BDH1: variants seen among roughly 807,000 people sequenced by gnomAD.
BDH1 encodes D-beta-hydroxybutyrate dehydrogenase, mitochondrial.
BDH1 carries 30 observed loss-of-function variants against 33.1 expected under a neutral mutation model. The observed-to-expected ratio is 0.91, with a 90% CI of 0.68 to 1.23. BDH1 has a LOEUF of 1.23. BDH1 is among the 50% of genes most tolerant of loss of function. BDH1 has a pLI of 0.00. For missense variants in BDH1, 443 were observed against 464.4 expected (o/e 0.95, Z 0.42); for synonymous variants, 190 against 183.6 (o/e 1.03, Z -0.28).
At chr3:197,548,151 G>A (rs1465670846) in intron 2 of BDH1, among the ~76,000 whole-genome samples, 2 of 152,190 alleles carry the variant, frequency 1.3e-5, no homozygotes, top group Non-Finnish European at 2.9e-5. Context: ...GTGGAAAGTC[G>A]GCCTGTGGCC....
intron 3 of BDH1, chr3:197,534,186 C>T (rs13324185): frequency 0.011 from 1,725 of 152,324 alleles, 20 homozygotes; most frequent in Non-Finnish European, 0.017. Flanking sequence ...ACAGAAATTT[C>T]CATCACCACA....
In BDH1 at chr3:197,511,639, T is replaced by A; in HGVS notation, c.*256A>T. 2.3e-6 allele frequency: 1 copy of A among 433,652 alleles called. No individual in the cohort carries two copies. Among genetic ancestry groups the A allele is most frequent in the Non-Finnish European group, 4.0e-6 (1 of 247,038 alleles). The allele number at this position is 433,652 out of a possible 1,614,324, so 26.9% of individuals were successfully genotyped here. A position where few individuals can be genotyped will look rare whatever the true frequency, so the allele number is the denominator to read the frequency against. ...TTCTTAAAATCTCTGTATGAAATTA[T>A]CTCCGGAGAGATAGATTCACCATGT... On this transcript the variant is annotated 3_prime_UTR_variant, in exon 8 of 8. Transcript: ENST00000392379.
intron 2 of BDH1, among the ~76,000 whole-genome samples, chr3:197,550,214 C>T (rs1183646997): frequency 1.3e-5 from 2 of 152,160 alleles, no homozygotes; most frequent in African/African-American, 4.8e-5. Context: ...AGTGTTCTCA[C>T]CACCACTGTA....
chr3:197,542,614 C>T (rs1170012399), intron 3 of BDH1, among the ~76,000 whole-genome samples: 1 of 150,036 alleles, frequency 6.7e-6, no homozygotes, highest in African/African-American at 2.5e-5. Context: ...ACCTCTTCCT[C>T]CCGGGTTCAA....
intron 2 of BDH1, among the ~76,000 whole-genome samples, chr3:197,553,735 A>C (rs950558035): frequency 4.6e-5 from 7 of 152,208 alleles, no homozygotes; most frequent in Admixed American, 1.3e-4. Flanking sequence ...TGAGATGTGA[A>C]AACGTGTTCC....
Position 197,548,857 on chromosome 3 carries a change from A to G in BDH1, c.-43-2371T>C, listed in dbSNP as rs116324249. On this transcript the variant is annotated intron_variant, in intron 2 of 7. Coordinates refer to ENST00000392379, the MANE Select transcript of BDH1 (RefSeq NM_203314.3). ...CAGAGCAAGGCTCCGTCTCAAAAAC[A>G]AAAATAACAAAAAAAAACAAAAAAA... 5.1e-3 allele frequency among the ~76,000 whole-genome samples: 689 copies of G among 134,618 alleles called. 5 individuals are homozygous for G. The highest frequency in any genetic ancestry group is 0.016 in the African/African-American group (631 of 39,252). 88.3% of individuals were successfully genotyped at this position (134,618 alleles called of 152,430 possible).
At chr3:197,549,415 T>C (rs1240876300) in intron 2 of BDH1, among the ~76,000 whole-genome samples, 1 of 152,238 alleles carries the variant, frequency 6.6e-6, no homozygotes, top group Non-Finnish European at 1.5e-5. Flanking sequence ...CATTCCAACA[T>C]GACCATCTTG....
intron 2 of BDH1, among the ~76,000 whole-genome samples, chr3:197,550,505 T>C (rs146708998): frequency 7.2e-5 from 11 of 152,292 alleles, no homozygotes; most frequent in Middle Eastern, 6.8e-3. Flanking sequence ...CTGCAGAGAC[T>C]ATGCTTTGGT....
rs746144609 is a variant in BDH1 at position 197,522,692 on chromosome 3, C to T, written c.357G>A (p.Glu119=). 1.2e-6 allele frequency: 2 copies of T among 1,614,108 alleles called. No homozygotes were observed. The highest frequency in any genetic ancestry group is 1.7e-6 in the Non-Finnish European group (2 of 1,180,042). The change falls in exon 6 of 8, where the codon GAG becomes GAA. Residue 119 remains glutamate (E), a synonymous_variant. Coordinates refer to ENST00000392379, the MANE Select transcript of BDH1 (RefSeq NM_203314.3). This position sits in a 1 kb window ranked among gnomAD's most constrained non-coding sequence, Gnocchi z 4.8. ...GGACAATCTCCACCACTTTCTCCAC[C>T]TCTTCGCTGCTGCAGACATTGAGCT... ...TVQLNVCSSE[E]VEKVVEIVRS...
intron 3 of BDH1, among the ~76,000 whole-genome samples, chr3:197,545,744 A>C (rs552674784): frequency 6.6e-6 from 1 of 152,260 alleles, no homozygotes; most frequent in African/African-American, 2.4e-5. Flanking sequence ...AGATGTTAAC[A>C]TTTAGGGAAG....
Position 197,532,432 on chromosome 3 carries a change from A to T in BDH1, c.247T>A (p.Phe83Ile), listed in dbSNP as rs371395444. The change falls in exon 5 of 8, where the codon TTT becomes ATT. Residue 83 changes from phenylalanine (F) to isoleucine (I), a missense_variant. Phe to Ile is a conservative substitution (Grantham distance 21, BLOSUM62 0). Coordinates refer to ENST00000392379, the MANE Select transcript of BDH1 (RefSeq NM_203314.3). ...CTTACCTTCATCAAGCAGCCAGCAA[A>T]CACAAGGAAGCCTTTTGAATGCAGA... is the stretch of plus-strand genomic sequence containing the variant. Reference protein sequence around the residue: ...KHLHSKGFLVFAGCLMKDKGH... With the variant: ...KHLHSKGFLVIAGCLMKDKGH... The T allele has an allele frequency of 1.9e-6, 3 of 1,614,114 alleles. No homozygotes were observed. The highest frequency in any genetic ancestry group is 2.5e-6 in the Non-Finnish European group (3 of 1,179,930).
chr3:197,557,389 A>C (rs1717100312), upstream of BDH1, among the ~76,000 whole-genome samples: 1 of 152,264 alleles, frequency 6.6e-6, no homozygotes, highest in African/African-American at 2.4e-5. This position sits in a 1 kb window ranked among gnomAD's most constrained non-coding sequence, Gnocchi z 4.6. Flanking sequence ...AGAATGAATG[A>C]AACTTGCAAA....
At chr3:197,530,592 A>G (rs900772414) in intron 5 of BDH1, 9 of 152,550 alleles carry the variant, frequency 5.9e-5, no homozygotes, top group African/African-American at 2.2e-4. Context: ...AAAGAAAAAA[A>G]AAAAAGATAA....
intron 3 of BDH1, among the ~76,000 whole-genome samples, chr3:197,544,262 C>T (rs145947389): frequency 5.9e-4 from 90 of 152,272 alleles, no homozygotes; most frequent in African/African-American, 2.0e-3. Context: ...GACAGCTCTG[C>T]GGCTGCCCAA....
intron 1 of BDH1, among the ~76,000 whole-genome samples, chr3:197,570,460 C>G (rs1717571163): frequency 6.6e-6 from 1 of 152,232 alleles, no homozygotes; most frequent in South Asian, 2.1e-4. Context: ...CCTCCCATCA[C>G]AGGCCTATAG....
At chr3:197,546,318 A>C (rs754116846) in intron 3 of BDH1, 43 bp downstream of exon 3, 1 of 1,599,068 alleles carries the variant, frequency 6.3e-7, no homozygotes, top group Admixed American at 1.7e-5. Flanking sequence ...CTGCCTGCTC[A>C]GAAAGTGTCC....
intron 1 of BDH1, among the ~76,000 whole-genome samples, chr3:197,561,242 T>C (rs1243069098): frequency 3.3e-5 from 5 of 152,126 alleles, no homozygotes; most frequent in African/African-American, 7.2e-5. Context: ...CTCAAACCAA[T>C]AGGACAATTT....
At chr3:197,570,700 C>T (rs1307648628) in intron 1 of BDH1, among the ~76,000 whole-genome samples, 1 of 152,224 alleles carries the variant, frequency 6.6e-6, no homozygotes, top group Non-Finnish European at 1.5e-5. Flanking sequence ...GGAACCTCCA[C>T]CTAGATTTCA....
chr3:197,570,064 A>T (rs1717558625), intron 1 of BDH1, among the ~76,000 whole-genome samples: 1 of 152,236 alleles, frequency 6.6e-6, no homozygotes, highest in Non-Finnish European at 1.5e-5. Flanking sequence ...GTGGTCTTAG[A>T]TGGAGATGAG....
Sources: gnomAD v4.1 joint callset for allele counts (sites outside exome capture counted in the v4.1 genomes callset) on GRCh38, gnomAD v4.1.1 for gene constraint, Gnocchi (gnomAD v3.1) non-coding constraint, MANE v1.5 for transcripts, NCBI Gene and HGNC (gene_info 2026-07-23, HGNC 2026-07-21) for gene names.